STK39: variants seen among roughly 807,000 people sequenced by gnomAD.
STK39 encodes the protein STE20/SPS1-related proline-alanine-rich protein kinase.
A neutral mutation model predicts 77.8 loss-of-function variants in STK39; 20 were observed. The ratio of observed to expected loss-of-function variants is 0.26; its 90% CI spans 0.18 to 0.37. The LOEUF is 0.37. Among genes scored for constraint, STK39 ranks in the 10% least tolerant of loss-of-function variants. The pLI, the probability that STK39 is intolerant of heterozygous loss-of-function variation, is 1.00. For missense variants in STK39, 479 were observed against 656.5 expected, an observed-to-expected ratio of 0.73 and a Z score of 2.95; for synonymous variants, 246 against 234.1, an observed-to-expected ratio of 1.05 and a Z score of -0.47.
rs1322099743 is a variant in STK39, at chr2:168,242,559, AAATATATATATATAT to A, written c.208+4654_208+4668del. 1.1e-3 allele frequency among the ~76,000 whole-genome samples: 59 copies of A among 54,200 alleles called. 5 individuals carry two copies. The highest frequency in any genetic ancestry group is 5.1e-3 in the African/African-American group (58 of 11,436). The allele number at this position is 54,200 out of a possible 152,430, so 35.6% of individuals were successfully genotyped here. Reference sequence around the variant, plus strand: ...GCAAGACTCTTACAAAAAAAAAAAAAAATATATATATATATATATATATATATATATATATATAAA... The same window carrying A: ...GCAAGACTCTTACAAAAAAAAAAAAAATATATATATATATATATATATAAA... On this transcript the variant is annotated intron_variant, in intron 1 of 17. Coordinates refer to ENST00000355999, the MANE Select transcript of STK39 (RefSeq NM_013233.3).
intron 11 of STK39, 28 bp from the exon 12 acceptor site, chr2:168,075,039 A>G (rs1686041615): frequency 6.2e-7 from 1 of 1,613,966 alleles, no homozygotes; most frequent in African/African-American, 1.3e-5. Flanking sequence ...ATCCATTAAT[A>G]TATATACACA....
intron 10 of STK39, among the ~76,000 whole-genome samples, chr2:168,120,696 C>T (rs1459940366): frequency 1.3e-5 from 2 of 152,148 alleles, no homozygotes; most frequent in East Asian, 3.8e-4. Flanking sequence ...ATAACCTGTG[C>T]CACTTATTAT....
intron 15 of STK39, among the ~76,000 whole-genome samples, chr2:168,014,712 T>C (rs570503602): frequency 2.4e-4 from 37 of 152,326 alleles, no homozygotes; most frequent in African/African-American, 8.7e-4. Context: ...ACTGAGCAGA[T>C]AGCAGGTAGT....
At chr2:167,982,995 T>C (rs1470657938) in intron 16 of STK39, among the ~76,000 whole-genome samples, 1 of 152,206 alleles carries the variant, frequency 6.6e-6, no homozygotes, top group African/African-American at 2.4e-5. Context: ...CTCACTGCTG[T>C]ACACCCAATA....
intron 1 of STK39, among the ~76,000 whole-genome samples, chr2:168,189,895 A>G (rs1164423595): frequency 6.6e-6 from 1 of 152,216 alleles, no homozygotes; most frequent in East Asian, 1.9e-4. Context: ...CCTTTCTGCC[A>G]GTGAAGCTGT....
chr2:168,100,829 C>G (rs1332045600), intron 10 of STK39, among the ~76,000 whole-genome samples: 2 of 152,112 alleles, frequency 1.3e-5, no homozygotes, highest in Non-Finnish European at 2.9e-5. Flanking sequence ...ACCAGAAACA[C>G]AATTTGACCC....
At chr2:167,984,554 G>A (rs1396339323) in intron 16 of STK39, among the ~76,000 whole-genome samples, 1 of 152,130 alleles carries the variant, frequency 6.6e-6, no homozygotes, top group African/African-American at 2.4e-5. Flanking sequence ...AATCATCTAG[G>A]CCTTATCCAC....
chr2:167,977,573 GA>G (rs749526454), intron 16 of STK39, among the ~76,000 whole-genome samples: 5,862 of 124,304 alleles, frequency 0.047, 243 homozygotes, highest in African/African-American at 0.12. Context: ...ACTTGCTTCG[GA>G]AAAAAAAAAA....
intron 14 of STK39, among the ~76,000 whole-genome samples, chr2:168,056,444 G>A (rs1343611671): frequency 6.6e-6 from 1 of 152,138 alleles, no homozygotes; most frequent in Non-Finnish European, 1.5e-5. Flanking sequence ...CCAAGAGGTG[G>A]AGAGGGCAGC....
chr2:167,980,749 T>A (rs1683394643), intron 16 of STK39, among the ~76,000 whole-genome samples: 1 of 109,366 alleles, frequency 9.1e-6, no homozygotes, highest in South Asian at 2.4e-4. Flanking sequence ...CATTTCTTGT[T>A]GTTGTTTTTT....
rs1010528805 is a variant in STK39 at position 168,118,618 on chromosome 2, A to C, written c.1089+10923T>G. ...ATATGCTTTCAAAAAAAAAAAAAAA[A>C]AAAAACAACAACTCAATTCACCAAA... is the stretch of plus-strand genomic sequence containing the variant. On this transcript the variant is annotated intron_variant, in intron 10 of 17. Coordinates refer to ENST00000355999, the MANE Select transcript of STK39 (RefSeq NM_013233.3). Among the ~76,000 whole-genome samples, 115 of 151,074 alleles carry C rather than the reference A, an allele frequency of 7.6e-4. 2 individuals carry two copies. In the East Asian group the frequency reaches 0.016, roughly 21 times the overall value.
rs145813942 is a variant in STK39, at chr2:168,061,883, T to C, written c.1376+1617A>G. Among the ~76,000 whole-genome samples, 143 of 152,290 alleles carry C rather than the reference T, an allele frequency of 9.4e-4. 1 individual carries two copies. The highest frequency in any genetic ancestry group is 3.3e-3 in the African/African-American group (136 of 41,560). On this transcript the variant is annotated intron_variant, in intron 14 of 17. Coordinates refer to ENST00000355999, the MANE Select transcript of STK39 (RefSeq NM_013233.3). ...GTTCAGTAGTACGTGTTTTGACACA[T>C]TTTCCAGGAGACTTTTATGCAGACA...
At chr2:168,178,636 T>G (rs1037590348) in intron 2 of STK39, among the ~76,000 whole-genome samples, 1 of 152,242 alleles carries the variant, frequency 6.6e-6, no homozygotes, top group African/African-American at 2.4e-5. Context: ...AATATTACAG[T>G]ACTCATTTCA....
chr2:168,037,257 C>T (rs1684980396), intron 14 of STK39, among the ~76,000 whole-genome samples: 1 of 152,228 alleles, frequency 6.6e-6, no homozygotes, highest in South Asian at 2.1e-4. Flanking sequence ...TTCTAATCTA[C>T]CAATTTAAAT....
At chr2:168,235,493 T>C (rs1037830587) in intron 1 of STK39, among the ~76,000 whole-genome samples, 20 of 151,860 alleles carry the variant, frequency 1.3e-4, no homozygotes, top group Non-Finnish European at 1.8e-4. Context: ...GGTACATGTG[T>C]ACAATGTGCA....
chr2:168,079,853 A>G (rs796999001), intron 10 of STK39, among the ~76,000 whole-genome samples: 7 of 152,324 alleles, frequency 4.6e-5, no homozygotes, highest in African/African-American at 1.7e-4. Context: ...TTTAATCTTC[A>G]TAGTAGCTTG....
chr2:168,092,297 C>T (rs2105435737), intron 10 of STK39, among the ~76,000 whole-genome samples: 1 of 152,284 alleles, frequency 6.6e-6, no homozygotes, highest in East Asian at 1.9e-4. Flanking sequence ...TGTAAAAATG[C>T]TCCAGACAGG....
Position 167,981,678 on chromosome 2 carries a change from A to G in STK39, c.1499-16952T>C, listed in dbSNP as rs1683422491. 2.0e-5 allele frequency among the ~76,000 whole-genome samples: 3 copies of G among 152,356 alleles called. No individual in the cohort carries two copies. In the East Asian group the frequency reaches 5.8e-4, roughly 29 times the overall value. ...TAAACAAATTATTATTAATTGCTGC[A>G]AGAAAACAAGCTGGGATGGGTTTGG... On this transcript the variant is annotated intron_variant, in intron 16 of 17. Transcript: ENST00000355999.
chr2:168,047,881 C>G (rs190704767), intron 14 of STK39, among the ~76,000 whole-genome samples: 153 of 152,328 alleles, frequency 1.0e-3, no homozygotes, highest in African/African-American at 3.6e-3. Context: ...TTGACAGCAT[C>G]TTCCATATCC....
Sources: gnomAD v4.1 joint callset for allele counts (sites outside exome capture counted in the v4.1 genomes callset) on GRCh38, gnomAD v4.1.1 for gene constraint, MANE v1.5 for transcripts, NCBI Gene and HGNC (gene_info 2026-07-23, HGNC 2026-07-21) for gene names.